BPIFC: variants seen among roughly 807,000 people sequenced by gnomAD.
The protein encoded by BPIFC is BPI fold containing family C.
A neutral mutation model predicts 57.6 loss-of-function variants in BPIFC; 60 were observed. The observed-to-expected ratio is 1.04, with a 90% CI of 0.85 to 1.29. The LOEUF is 1.29. Ranked by LOEUF, BPIFC falls within the 50% of genes most tolerant of loss-of-function variation. BPIFC has a pLI of 0.00. For missense variants in BPIFC, 581 were observed against 600.5 expected, an observed-to-expected ratio of 0.97 and a Z score of 0.34; for synonymous variants, 243 against 224.5, an observed-to-expected ratio of 1.08 and a Z score of -0.74.
In BPIFC at chr22:32,453,436, A is replaced by G. The variant is rs1185119257; in HGVS notation, c.192T>C (p.Gly64=). The stretch of plus-strand genomic sequence containing the variant: ...CTTTTAGAAATTCAAGAGACTCAGA[A>G]CCGCTTAAATCTGGGAGTTTCTTTT... The part of the protein sequence containing the change: ...LKEKKLPDLS[G]SESLEFLKVD... The change falls in exon 4 of 17, where the codon GGT becomes GGC. Residue 64 remains glycine (G), a synonymous_variant. Coordinates refer to ENST00000300399, the MANE Select transcript of BPIFC (RefSeq NM_174932.3). The G allele has an allele frequency of 1.9e-6, 3 of 1,606,702 alleles. No individual in the cohort carries two copies. The highest frequency in any genetic ancestry group is 1.3e-5 in the African/African-American group (1 of 74,566).
intron 9 of BPIFC, among the ~76,000 whole-genome samples, chr22:32,436,394 A>G (rs71326522): frequency 0.29 from 40,406 of 137,688 alleles, 6,700 homozygotes; most frequent in Non-Finnish European, 0.38. Flanking sequence ...AGGAGGAGGA[A>G]GAGGAGGAGG....
intron 7 of BPIFC, among the ~76,000 whole-genome samples, chr22:32,443,317 C>T (rs1352623636): frequency 6.6e-6 from 1 of 152,196 alleles, no homozygotes; most frequent in Non-Finnish European, 1.5e-5. Context: ...GCGCTCGCCA[C>T]TATGCCCGGC....
chr22:32,441,110 G>A (rs1934553886), intron 8 of BPIFC, among the ~76,000 whole-genome samples: 2 of 151,980 alleles, frequency 1.3e-5, no homozygotes, highest in African/African-American at 2.4e-5. Flanking sequence ...CTCCTAGTGT[G>A]TCCTTCTCAC....
At chr22:32,424,574 T>TTTC (rs148930460) in intron 13 of BPIFC, among the ~76,000 whole-genome samples, 7,382 of 69,222 alleles carry the variant, frequency 0.11, 1,237 homozygotes, top group Admixed American at 0.13. Flanking sequence ...TGTTATTTTC[T>TTTC]TTCTTCTTCT....
chr22:32,458,491 T>G (rs905071035), intron 2 of BPIFC, among the ~76,000 whole-genome samples: 2 of 152,224 alleles, frequency 1.3e-5, no homozygotes, highest in African/African-American at 4.8e-5. Flanking sequence ...CATCATCTAG[T>G]GTAGTATCCA....
At chr22:32,449,738 C>CTT (rs368385141) in intron 4 of BPIFC, among the ~76,000 whole-genome samples, 61 of 146,954 alleles carry the variant, frequency 4.2e-4, no homozygotes, top group Middle Eastern at 3.5e-3. Context: ...ATGTACTTCT[C>CTT]TTTTTTTCTT....
At chr22:32,420,378 A>T (rs943447165) in intron 13 of BPIFC, among the ~76,000 whole-genome samples, 1 of 151,962 alleles carries the variant, frequency 6.6e-6, no homozygotes, top group Non-Finnish European at 1.5e-5. Context: ...TCAGCCTTGT[A>T]ACTTCCCTGA....
At chr22:32,444,067 C>G (rs1163006093) in intron 7 of BPIFC, among the ~76,000 whole-genome samples, 1 of 152,174 alleles carries the variant, frequency 6.6e-6, no homozygotes, top group Admixed American at 6.5e-5. Flanking sequence ...GAGAGAATCA[C>G]AGAAACATCT....
intron 14 of BPIFC, among the ~76,000 whole-genome samples, chr22:32,418,728 T>A (rs1395253217): frequency 6.6e-6 from 1 of 152,166 alleles, no homozygotes; most frequent in Non-Finnish European, 1.5e-5. Context: ...TAGGCACTAT[T>A]CTACCCGGGC....
At chr22:32,431,118 CTT>C (rs531325756) in intron 13 of BPIFC, among the ~76,000 whole-genome samples, 19 of 138,716 alleles carry the variant, frequency 1.4e-4, no homozygotes, top group East Asian at 4.1e-4. Flanking sequence ...GTTAACGTCC[CTT>C]TTTTTTTTTT....
chr22:32,426,720 C>T (rs536931493), intron 13 of BPIFC, among the ~76,000 whole-genome samples: 3 of 151,750 alleles, frequency 2.0e-5, no homozygotes, highest in Non-Finnish European at 2.9e-5. Context: ...GGCGAAACCC[C>T]GTCTCTACTA....
At chr22:32,458,594 G>A (rs549508405) in intron 2 of BPIFC, among the ~76,000 whole-genome samples, 11 of 152,258 alleles carry the variant, frequency 7.2e-5, no homozygotes, top group African/African-American at 2.6e-4. Context: ...AATAGTGACT[G>A]GCACACAGCA....
chr22:32,414,381 T>C lies in BPIFC; in HGVS notation c.1446A>G (p.Ser482=). 6.2e-7 allele frequency: 1 copy of C among 1,614,066 alleles called. No homozygotes were observed. The highest frequency in any genetic ancestry group is 8.5e-7 in the Non-Finnish European group (1 of 1,179,952). The change falls in exon 17 of 17, where the codon TCA becomes TCG. Residue 482 remains serine, a synonymous_variant. Coordinates refer to ENST00000300399, the MANE Select transcript of BPIFC (RefSeq NM_174932.3). ...ATACGTGGAAACTTGGCTGCTGCTT[T>C]GAGGATGTTTCATACTTCAGGTCGG... ...ISTDLKYETS[S]KQQPSFHVWE... is the part of the protein sequence containing the mutation.
In BPIFC at chr22:32,445,942, G is replaced by C; in HGVS notation, c.429C>G (p.Ile143Met). 6.2e-7 allele frequency: 1 copy of C among 1,614,104 alleles called. No individual in the cohort carries two copies. The highest frequency in any genetic ancestry group is 8.5e-7 in the Non-Finnish European group (1 of 1,180,014). Residue 143 changes from isoleucine to methionine, a missense_variant, in exon 6 of 17, where the codon ATC becomes ATG. Transcript: ENST00000300399. ...CAAAGTCATTTCGGGTTAGGATAAT[G>C]ATACCGGTAAAGTAGACTCCGGAGA... is the stretch of plus-strand genomic sequence containing the variant. ...LFLSGVYFTGIIILTRNDFGH... is the reference protein window; with the variant it reads ...LFLSGVYFTGMIILTRNDFGH...
At chr22:32,420,602 C>A (rs1448659558) in intron 13 of BPIFC, among the ~76,000 whole-genome samples, 1 of 152,190 alleles carries the variant, frequency 6.6e-6, no homozygotes, top group Non-Finnish European at 1.5e-5. Context: ...TTTACTTAAT[C>A]TCTCTGGATC....
At chr22:32,442,537 C>T (rs1035236518) in intron 8 of BPIFC, 134 bp downstream of exon 8, 25 of 841,090 alleles carry the variant, frequency 3.0e-5, no homozygotes, top group Non-Finnish European at 4.6e-5. Context: ...AAGCACCTTC[C>T]CGGGGCTCTA....
intron 4 of BPIFC, among the ~76,000 whole-genome samples, chr22:32,449,643 G>T (rs1369650304): frequency 6.6e-6 from 1 of 152,056 alleles, no homozygotes; most frequent in African/African-American, 2.4e-5. Flanking sequence ...TCATTCCTAT[G>T]TTGGTGGACA....
At chr22:32,448,885 C>T (rs1398408146) in intron 4 of BPIFC, among the ~76,000 whole-genome samples, 1 of 151,506 alleles carries the variant, frequency 6.6e-6, no homozygotes, top group African/African-American at 2.4e-5. Context: ...TGCAGTGAGC[C>T]GAGATCGCCC....
chr22:32,461,739 C>CTG, intron 1 of BPIFC, 78 bp from the exon 2 acceptor site: 1 of 635,468 alleles, frequency 1.6e-6, no homozygotes, highest in Non-Finnish European at 2.0e-6. Context: ...GGCTGCTGAC[C>CTG]AACTGGTATA....
Sources: gnomAD v4.1 joint callset for allele counts (sites outside exome capture counted in the v4.1 genomes callset) on GRCh38, gnomAD v4.1.1 for gene constraint, MANE v1.5 for transcripts, NCBI Gene and HGNC (gene_info 2026-07-23, HGNC 2026-07-21) for gene names.